Variants in MGAT4C observed in about 807,000 individuals in gnomAD.
MGAT4C encodes the protein MGAT4 family member C.
MGAT4C carries 19 observed loss-of-function variants against 40.1 expected under a neutral mutation model. The observed-to-expected ratio is 0.47, with a 90% CI of 0.33 to 0.70. The LOEUF (loss-of-function observed/expected upper bound fraction) is 0.70. Ranked by LOEUF, MGAT4C falls within the 30% of genes least tolerant of loss-of-function variation. The probability of loss-of-function intolerance (pLI) is 0.02; values close to 1 mark genes in which losing one functional copy is unlikely to be tolerated. For missense variants in MGAT4C, 491 were observed against 563.2 expected, an observed-to-expected ratio of 0.87 and a Z score of 1.30; for synonymous variants, 181 against 187.1, an observed-to-expected ratio of 0.97 and a Z score of 0.27.
intron 1 of MGAT4C, among the ~76,000 whole-genome samples, chr12:86,244,358 G>C (rs1256362472): frequency 2.0e-5 from 3 of 152,160 alleles, no homozygotes; most frequent in Non-Finnish European, 2.9e-5. Flanking sequence ...GATTAGTGAA[G>C]GGGTGGGTTT....
chr12:86,831,788 A>G (rs1485902537), intron 1 of MGAT4C, among the ~76,000 whole-genome samples: 2 of 151,788 alleles, frequency 1.3e-5, no homozygotes, highest in Non-Finnish European at 2.9e-5. Flanking sequence ...ACAAGCATAT[A>G]TTTTACTTGC....
At chr12:86,549,307 C>T (rs1959237093) in intron 2 of MGAT4C, among the ~76,000 whole-genome samples, 1 of 151,898 alleles carries the variant, frequency 6.6e-6, no homozygotes, top group African/African-American at 2.4e-5. Flanking sequence ...GCTTTTTGAA[C>T]ATGAAGTTCA....
intron 1 of MGAT4C, among the ~76,000 whole-genome samples, chr12:86,074,124 G>A (rs900128010): frequency 5.9e-5 from 9 of 151,874 alleles, no homozygotes; most frequent in South Asian, 2.1e-4. Flanking sequence ...AGGGGTTTCC[G>A]CTTTCACATC....
intron 3 of MGAT4C, among the ~76,000 whole-genome samples, chr12:86,347,097 G>A (rs902277580): frequency 6.6e-6 from 1 of 152,062 alleles, no homozygotes; most frequent in African/African-American, 2.4e-5. Flanking sequence ...ATCCACCACT[G>A]GCCTCTTTGC....
intron 1 of MGAT4C, among the ~76,000 whole-genome samples, chr12:86,071,877 A>G (rs61931140): frequency 0.078 from 11,800 of 152,188 alleles, 628 homozygotes; most frequent in Middle Eastern, 0.23. Context: ...CCTCTTCAAA[A>G]GAATAATTAT....
At chr12:86,519,143 A>T (rs2136357085) in intron 2 of MGAT4C, among the ~76,000 whole-genome samples, 1 of 152,304 alleles carries the variant, frequency 6.6e-6, no homozygotes, top group East Asian at 1.9e-4. Flanking sequence ...CATAAAATTC[A>T]TCAGACATTA....
intron 3 of MGAT4C, among the ~76,000 whole-genome samples, chr12:86,365,481 T>C (rs11103940): frequency 0.01 from 1,533 of 152,300 alleles, 18 homozygotes; most frequent in Admixed American, 0.022. Context: ...AGGCTATTGA[T>C]TGGGGAAGTG....
intron 2 of MGAT4C, among the ~76,000 whole-genome samples, chr12:86,708,290 G>A (rs1950497953): frequency 6.6e-6 from 1 of 152,348 alleles, no homozygotes; most frequent in South Asian, 2.1e-4. Flanking sequence ...CTTCCAAGTG[G>A]TGTGGAGCCT....
chr12:86,754,706 G>T (rs1025572354), intron 1 of MGAT4C, among the ~76,000 whole-genome samples: 3 of 152,012 alleles, frequency 2.0e-5, no homozygotes, highest in African/African-American at 4.8e-5. Flanking sequence ...ATGGAATTAG[G>T]CTATATATTC....
At chr12:86,407,565 G>A (rs562157178) in intron 3 of MGAT4C, among the ~76,000 whole-genome samples, 1 of 152,078 alleles carries the variant, frequency 6.6e-6, no homozygotes, top group African/African-American at 2.4e-5. Flanking sequence ...TTGTGGTTCA[G>A]TGGGATTAAT....
intron 4 of MGAT4C, among the ~76,000 whole-genome samples, chr12:86,313,452 T>C (rs1954127245): frequency 6.6e-6 from 1 of 152,172 alleles, no homozygotes; most frequent in African/African-American, 2.4e-5. Flanking sequence ...TACTAAAAAA[T>C]AGTGTCGAAG....
chr12:86,763,819 A>C (rs1409683379), intron 1 of MGAT4C, among the ~76,000 whole-genome samples: 2 of 152,140 alleles, frequency 1.3e-5, no homozygotes, highest in Non-Finnish European at 2.9e-5. Flanking sequence ...AGATCATTTC[A>C]CCTAGGATTT....
chr12:86,748,607 G>A (rs184487889), intron 1 of MGAT4C, among the ~76,000 whole-genome samples: 1 of 151,724 alleles, frequency 6.6e-6, no homozygotes, highest in East Asian at 2.0e-4. Flanking sequence ...CAGAGTAGGA[G>A]AATGAGTAGT....
chr12:86,325,122 A>C (rs981892346), intron 4 of MGAT4C, among the ~76,000 whole-genome samples: 2 of 152,124 alleles, frequency 1.3e-5, no homozygotes, highest in South Asian at 4.1e-4. Context: ...CTACTAGATC[A>C]ATTCTATATA....
intron 3 of MGAT4C, among the ~76,000 whole-genome samples, chr12:86,372,501 T>A (rs1955737342): frequency 6.6e-6 from 1 of 151,894 alleles, no homozygotes; most frequent in African/African-American, 2.4e-5. Flanking sequence ...TGTTAGGATA[T>A]TACTAGGGAA....
chr12:86,049,304 C>CTG lies in MGAT4C; in HGVS notation c.-7+368_-7+369dup, dbSNP rs112761344. On this transcript the variant is annotated intron_variant, in intron 2 of 4. Coordinates refer to ENST00000611864, the MANE Select transcript of MGAT4C (RefSeq NM_001351288.2). ...ATTACCATCCTCTCTGTGTGTGCGC[C>CTG]TGTGTGTGTGTGTGTGTGTACCTGC... 8.5e-3 allele frequency among the ~76,000 whole-genome samples: 1,257 copies of CTG among 148,648 alleles called. 6 individuals carry two copies. Among genetic ancestry groups the CTG allele is most frequent in the South Asian group, 0.021 (100 of 4,710 alleles).
intron 2 of MGAT4C, among the ~76,000 whole-genome samples, chr12:86,538,541 CAT>C (rs1959112900): frequency 6.6e-6 from 1 of 151,610 alleles, no homozygotes; most frequent in Non-Finnish European, 1.5e-5. Context: ...GGGCTTAACT[CAT>C]ATTCTTTTAC....
intron 2 of MGAT4C, among the ~76,000 whole-genome samples, chr12:86,646,368 A>T (rs1460253482): frequency 1.3e-5 from 2 of 151,880 alleles, no homozygotes; most frequent in African/African-American, 4.8e-5. Context: ...TGTATTCTAG[A>T]TACAAAATAA....
intron 1 of MGAT4C, among the ~76,000 whole-genome samples, chr12:86,789,968 C>T (rs1951996026): frequency 2.6e-5 from 4 of 152,076 alleles, no homozygotes; most frequent in African/African-American, 9.7e-5. Context: ...TTATCTGGCC[C>T]TAAAGGGTAC....
Sources: allele counts gnomAD v4.1 joint callset (sites outside exome capture counted in the v4.1 genomes callset), GRCh38; gene constraint gnomAD v4.1.1; transcripts MANE v1.5; gene names NCBI Gene and HGNC (gene_info 2026-07-23, HGNC 2026-07-21).